ITFG1: variants seen among roughly 807,000 people sequenced by gnomAD.
The protein encoded by ITFG1 is T-cell immunomodulatory protein.
In ITFG1, 34 loss-of-function variants were observed where a neutral mutation model predicts 81.8. That is an observed-to-expected ratio of 0.42 (90% confidence interval 0.32 to 0.55). The LOEUF (loss-of-function observed/expected upper bound fraction) is 0.55. Among genes scored for constraint, ITFG1 ranks in the 20% least tolerant of loss-of-function variants. The pLI is 0.17. For missense variants in ITFG1, 672 were observed against 755.4 expected (o/e 0.89, Z 1.29); for synonymous variants, 285 against 270.6 (o/e 1.05, Z -0.52).
intron 14 of ITFG1, among the ~76,000 whole-genome samples, chr16:47,174,051 A>T (rs1470338469): frequency 6.6e-6 from 1 of 152,206 alleles, no homozygotes; most frequent in East Asian, 1.9e-4. Context: ...AAAACAAAAC[A>T]AAACAAAAAA....
In ITFG1 at chr16:47,180,103, G is replaced by A. The variant is rs114474704; in HGVS notation, c.1454-17439C>T. ...TTATTCATTTTCACGCTCTATTCCC[G>A]GGGAATACAGCATAGTGGCTGGCAC... On this transcript the variant is annotated intron_variant, in intron 14 of 17. Transcript: ENST00000320640. 3.7e-3 allele frequency among the ~76,000 whole-genome samples: 565 copies of A among 152,224 alleles called. 2 individuals carry two copies. Among genetic ancestry groups the A allele is most frequent in the African/African-American group, 0.013 (523 of 41,540 alleles).
At chr16:47,349,696 T>C (rs557772648) in intron 8 of ITFG1, among the ~76,000 whole-genome samples, 1 of 152,304 alleles carries the variant, frequency 6.6e-6, no homozygotes, top group Non-Finnish European at 1.5e-5. Context: ...AATTCAGCTC[T>C]GGACCAAGCA....
At chr16:47,365,708 G>A in intron 8 of ITFG1, 80 bp downstream of exon 8, 1 of 818,008 alleles carries the variant, frequency 1.2e-6, no homozygotes, top group Non-Finnish European at 2.0e-6. Flanking sequence ...CTGCTATGGG[G>A]AATTAATATA....
chr16:47,431,605 G>C (rs1041050395), intron 5 of ITFG1, among the ~76,000 whole-genome samples: 15 of 152,172 alleles, frequency 9.9e-5, no homozygotes, highest in Non-Finnish European at 1.6e-4. Context: ...GATCCAGATA[G>C]AGCTGATGGT....
At chr16:47,385,431 T>C (rs1245871856) in intron 6 of ITFG1, among the ~76,000 whole-genome samples, 1 of 152,212 alleles carries the variant, frequency 6.6e-6, no homozygotes, top group Non-Finnish European at 1.5e-5. Context: ...CCCCAGCATA[T>C]GGCATTTGAT....
At chr16:47,184,423 A>T (rs543767695) in intron 14 of ITFG1, among the ~76,000 whole-genome samples, 9 of 152,348 alleles carry the variant, frequency 5.9e-5, no homozygotes, top group African/African-American at 2.2e-4. Flanking sequence ...GACTAACAGC[A>T]GATCTCTCGG....
intron 8 of ITFG1, among the ~76,000 whole-genome samples, chr16:47,336,073 C>CCT (rs1214152114): frequency 3.3e-5 from 5 of 152,100 alleles, no homozygotes; most frequent in African/African-American, 1.2e-4. Context: ...TATGAGTGAA[C>CCT]CTTAGATGCT....
chr16:47,408,334 C>G (rs1321684131), intron 6 of ITFG1, among the ~76,000 whole-genome samples: 1 of 152,126 alleles, frequency 6.6e-6, no homozygotes, highest in African/African-American at 2.4e-5. Context: ...TTTTAAATGT[C>G]CAACAGGTCC....
chr16:47,214,001 G>A (rs1965596272), intron 14 of ITFG1, among the ~76,000 whole-genome samples: 1 of 152,220 alleles, frequency 6.6e-6, no homozygotes, highest in African/African-American at 2.4e-5. Context: ...GCCTGGACTT[G>A]TGATTGGCAT....
intron 7 of ITFG1, among the ~76,000 whole-genome samples, chr16:47,369,174 G>A (rs976247654): frequency 6.6e-6 from 1 of 152,116 alleles, no homozygotes; most frequent in African/African-American, 2.4e-5. Flanking sequence ...CATTTTCAAA[G>A]ATGAAGCTGC....
chr16:47,257,193 TATCTCTCTTTGCAG>T lies in ITFG1; in HGVS notation c.1330+1425_1330+1438del, dbSNP rs1348204746. On this transcript the variant is annotated intron_variant, in intron 12 of 17. Transcript: ENST00000320640. ...AAGACATAGGGATTAGAAAGAAAAT[TATCTCTCTTTGCAG>T]AAGACGAAGTTGTCTATGTAGAAAA... Among the ~76,000 whole-genome samples, 3 of 152,070 alleles carry T rather than the reference TATCTCTCTTTGCAG, an allele frequency of 2.0e-5. No homozygotes were observed. In the South Asian group the frequency reaches 6.2e-4, roughly 31 times the overall value.
At chr16:47,388,273 G>T (rs1275985783) in intron 6 of ITFG1, among the ~76,000 whole-genome samples, 1 of 152,022 alleles carries the variant, frequency 6.6e-6, no homozygotes, top group Admixed American at 6.6e-5. Flanking sequence ...AGAAGACAAA[G>T]AAAAATTTGA....
intron 6 of ITFG1, among the ~76,000 whole-genome samples, chr16:47,401,492 T>C (rs1423837264): frequency 2.0e-5 from 3 of 152,074 alleles, no homozygotes; most frequent in Non-Finnish European, 4.4e-5. Context: ...CCCACACTTA[T>C]GGGACATTGA....
intron 6 of ITFG1, among the ~76,000 whole-genome samples, chr16:47,413,099 A>C (rs974372452): frequency 1.3e-5 from 2 of 152,152 alleles, no homozygotes; most frequent in Non-Finnish European, 2.9e-5. Context: ...TGAAAGAAAG[A>C]AGCAGCTAGA....
At chr16:47,327,204 G>C (rs181109626) in intron 8 of ITFG1, among the ~76,000 whole-genome samples, 122 of 152,248 alleles carry the variant, frequency 8.0e-4, no homozygotes, top group African/African-American at 2.6e-3. Flanking sequence ...TGACAAACCT[G>C]ACAAAAACAA....
chr16:47,170,157 TTGTC>T (rs1458159301), intron 14 of ITFG1, among the ~76,000 whole-genome samples: 1 of 152,198 alleles, frequency 6.6e-6, no homozygotes, highest in African/African-American at 2.4e-5. Context: ...TGTAGTATCT[TTGTC>T]TGGGTTTGGT....
At chr16:47,300,759 C>T (rs1392587235) in intron 10 of ITFG1, among the ~76,000 whole-genome samples, 1 of 152,178 alleles carries the variant, frequency 6.6e-6, no homozygotes, top group East Asian at 1.9e-4. Flanking sequence ...ATTCTGAATA[C>T]AGAATGTTAG....
chr16:47,155,367 A>G lies in ITFG1; in HGVS notation c.*352T>C, dbSNP rs1448451200. 2 of 164,422 alleles carry G rather than the reference A, an allele frequency of 1.2e-5. No individual in the cohort carries two copies. The highest frequency in any genetic ancestry group is 4.8e-5 in the African/African-American group (2 of 41,868). 10.2% of individuals were successfully genotyped at this position (164,422 alleles called of 1,614,324 possible). A position where few individuals can be genotyped will look rare whatever the true frequency, so the allele number is the denominator to read the frequency against. ...TAAGAAGCAAGACCAAGTCAAGTGG[A>G]CACAAAAATTCCTGCTCATTTAATT... On this transcript the variant is annotated 3_prime_UTR_variant, in exon 18 of 18. Coordinates refer to ENST00000320640, the MANE Select transcript of ITFG1 (RefSeq NM_030790.5).
chr16:47,453,955 T>G (rs1969419692), intron 3 of ITFG1, 58 bp downstream of exon 3: 1 of 1,068,032 alleles, frequency 9.4e-7, no homozygotes, highest in South Asian at 1.5e-5. Context: ...AACAATATTT[T>G]GTTACATTTA....
Sources: gnomAD v4.1 joint callset for allele counts (sites outside exome capture counted in the v4.1 genomes callset) on GRCh38, gnomAD v4.1.1 for gene constraint, MANE v1.5 for transcripts, NCBI Gene and HGNC (gene_info 2026-07-23, HGNC 2026-07-21) for gene names.